The following SRPK2 variants were observed in gnomAD, a reference collection of about 807,000 sequenced individuals.
The protein encoded by SRPK2 is SFRS protein kinase 2.
SRPK2 carries 21 observed loss-of-function variants against 90.8 expected under a neutral mutation model. The observed-to-expected ratio is 0.23, with a 90% CI of 0.16 to 0.33. SRPK2 has a LOEUF of 0.33. SRPK2 is among the 10% of genes least tolerant of loss of function. The pLI is 1.00. For synonymous variants in SRPK2, 288 were observed against 311.1 expected (o/e 0.93, Z 0.78); for missense variants, 620 against 869.0 (o/e 0.71, Z 3.60).
chr7:105,370,947 T>G (rs1450402908), intron 2 of SRPK2, among the ~76,000 whole-genome samples: 2 of 152,088 alleles, frequency 1.3e-5, no homozygotes, highest in African/African-American at 4.8e-5. Flanking sequence ...CTAGCAAAGC[T>G]TTAACTAGAA....
intron 9 of SRPK2, 30 bp from the exon 10 acceptor site, chr7:105,143,360 T>C (rs1286750448): frequency 6.3e-7 from 1 of 1,595,060 alleles, no homozygotes; most frequent in South Asian, 1.1e-5. Context: ...CAGGTCAGTA[T>C]TCTTCTTTTT....
Position 105,260,830 on chromosome 7 carries a change from T to G in SRPK2, c.72-57045A>C, listed in dbSNP as rs534605758. On this transcript the variant is annotated intron_variant, in intron 2 of 15. Transcript: ENST00000393651. ...TTCTCACTCGTAGGTGGGAGTTTAATAATGAGAACACATGGACACAGGGCG... is the reference window on the plus strand; with the variant it reads ...TTCTCACTCGTAGGTGGGAGTTTAAGAATGAGAACACATGGACACAGGGCG... 3.6e-5 allele frequency among the ~76,000 whole-genome samples: 5 copies of G among 138,332 alleles called. No homozygotes were observed. In the East Asian group the frequency reaches 8.5e-4, roughly 24 times the overall value. The allele number at this position is 138,332 out of a possible 152,430, so 90.8% of individuals were successfully genotyped here. A position where few individuals can be genotyped will look rare whatever the true frequency, so the allele number is the denominator to read the frequency against.
In SRPK2 at chr7:105,296,118, T is replaced by C. The variant is rs1397880492; in HGVS notation, c.72-92333A>G. 3.3e-5 allele frequency among the ~76,000 whole-genome samples: 5 copies of C among 152,224 alleles called. No homozygotes were observed. The East Asian group carries it at 9.6e-4, about 29-fold the overall frequency. The stretch of plus-strand genomic sequence containing the variant: ...GGCTCTGAAGAGTACAAGAATACTT[T>C]GTGCAATCTCACAGCTGTTTCCATA... On this transcript the variant is annotated intron_variant, in intron 2 of 15. Transcript: ENST00000393651.
At chr7:105,267,571 T>TA (rs1259074998) in intron 2 of SRPK2, among the ~76,000 whole-genome samples, 2 of 152,330 alleles carry the variant, frequency 1.3e-5, no homozygotes, top group Admixed American at 6.5e-5. Context: ...CTAGCAGTCC[T>TA]AAAATTTTCT....
At chr7:105,195,754 A>G (rs1283908971) in intron 3 of SRPK2, among the ~76,000 whole-genome samples, 1 of 152,116 alleles carries the variant, frequency 6.6e-6, no homozygotes, top group African/African-American at 2.4e-5. Flanking sequence ...TTTAGCCCTC[A>G]CATATCTTCC....
At chr7:105,350,711 G>A (rs1444388455) in intron 2 of SRPK2, among the ~76,000 whole-genome samples, 1 of 150,774 alleles carries the variant, frequency 6.6e-6, no homozygotes, top group Admixed American at 6.6e-5. Flanking sequence ...TAGTAGAGAC[G>A]GGGTTTCTCC....
At chr7:105,287,243 A>G (rs1808238798) in intron 2 of SRPK2, among the ~76,000 whole-genome samples, 1 of 129,514 alleles carries the variant, frequency 7.7e-6, no homozygotes, top group Non-Finnish European at 1.6e-5. Flanking sequence ...CCTGGGCGAC[A>G]GAGCGAGACT....
intron 3 of SRPK2, among the ~76,000 whole-genome samples, chr7:105,174,465 G>T (rs531765714): frequency 6.6e-6 from 1 of 152,146 alleles, no homozygotes; most frequent in African/African-American, 2.4e-5. Context: ...CGCTGAGAAT[G>T]CTTTCTCAGC....
intron 2 of SRPK2, among the ~76,000 whole-genome samples, chr7:105,359,213 C>T (rs967937556): frequency 1.5e-5 from 2 of 129,512 alleles, no homozygotes; most frequent in Non-Finnish European, 3.1e-5. Context: ...GGCTGGAGTG[C>T]AATGGCGCGA....
At chr7:105,341,755 C>T (rs956615352) in intron 2 of SRPK2, among the ~76,000 whole-genome samples, 1 of 151,832 alleles carries the variant, frequency 6.6e-6, no homozygotes, top group African/African-American at 2.4e-5. Flanking sequence ...TCACCTGATA[C>T]CAGGAGTTCG....
chr7:105,313,928 TA>T (rs1423348078), intron 2 of SRPK2, among the ~76,000 whole-genome samples: 1 of 152,040 alleles, frequency 6.6e-6, no homozygotes, highest in African/African-American at 2.4e-5. Flanking sequence ...CTAATTAATA[TA>T]AAAGGGCAAA....
chr7:105,370,782 A>AT, intron 2 of SRPK2, among the ~76,000 whole-genome samples: 1 of 151,788 alleles, frequency 6.6e-6, no homozygotes, highest in Non-Finnish European at 1.5e-5. Context: ...AGCCTGACTA[A>AT]TTTTTTGTAT....
At chr7:105,190,013 G>A (rs1467174659) in intron 3 of SRPK2, among the ~76,000 whole-genome samples, 1 of 152,184 alleles carries the variant, frequency 6.6e-6, no homozygotes, top group African/African-American at 2.4e-5. Flanking sequence ...CTGGCACTGA[G>A]TACAGTGGGG....
chr7:105,163,466 TGCAGCG>T (rs1808000759), intron 6 of SRPK2, among the ~76,000 whole-genome samples: 1 of 152,042 alleles, frequency 6.6e-6, no homozygotes, highest in African/African-American at 2.4e-5. Context: ...AGATGAAGCC[TGCAGCG>T]GCAGACCATT....
At chr7:105,368,230 T>C (rs1036678040) in intron 2 of SRPK2, among the ~76,000 whole-genome samples, 3 of 152,194 alleles carry the variant, frequency 2.0e-5, no homozygotes, top group African/African-American at 4.8e-5. Context: ...CATGGCCTTA[T>C]TGCTTTTTTA....
In SRPK2 at chr7:105,142,503, A is replaced by T; in HGVS notation, c.1061-13T>A. 1.3e-6 allele frequency: 2 copies of T among 1,594,478 alleles called. No individual in the cohort carries two copies. Among genetic ancestry groups the T allele is most frequent in the Non-Finnish European group, 1.7e-6 (2 of 1,173,090 alleles). Reference sequence around the variant, plus strand: ...TCCTCAGCTTCACCTTAAGAATTTGATGGGTCAAGAATTAGAACTTGTTAC... The same window carrying T: ...TCCTCAGCTTCACCTTAAGAATTTGTTGGGTCAAGAATTAGAACTTGTTAC... On this transcript the variant is annotated splice_polypyrimidine_tract_variant and intron_variant, in intron 10 of 15. Transcript: ENST00000393651.
chr7:105,262,891 A>C (rs948862051), intron 2 of SRPK2, among the ~76,000 whole-genome samples: 1 of 152,234 alleles, frequency 6.6e-6, no homozygotes, highest in African/African-American at 2.4e-5. Context: ...AAGAACCTGG[A>C]GCATACACAG....
At chr7:105,118,093 G>A (rs958848753) in intron 15 of SRPK2, 71 bp from the exon 16 acceptor site, 4 of 1,537,622 alleles carry the variant, frequency 2.6e-6, no homozygotes, top group Non-Finnish European at 3.5e-6. Flanking sequence ...GTCCAGTCAG[G>A]TTCTTTTCAG....
chr7:105,188,589 C>A (rs1793887216), intron 3 of SRPK2, among the ~76,000 whole-genome samples: 1 of 152,186 alleles, frequency 6.6e-6, no homozygotes, highest in Non-Finnish European at 1.5e-5. Context: ...CCAACAAAAT[C>A]TGGAACTCCA....
Sources: allele counts gnomAD v4.1 joint callset (sites outside exome capture counted in the v4.1 genomes callset), GRCh38; gene constraint gnomAD v4.1.1; transcripts MANE v1.5; gene names NCBI Gene and HGNC (gene_info 2026-07-23, HGNC 2026-07-21).